The following CNTN5 variants were observed in gnomAD, a reference collection of about 807,000 sequenced individuals.
The protein encoded by CNTN5 is contactin 5.
CNTN5 carries 77 observed loss-of-function variants against 129.1 expected under a neutral mutation model. The ratio of observed to expected loss-of-function variants is 0.60; its 90% confidence interval spans 0.50 to 0.72. The LOEUF is 0.72. Ranked by LOEUF, CNTN5 falls within the 30% of genes least tolerant of loss-of-function variation. CNTN5 has a pLI of 0.00. For missense variants in CNTN5, 1,478 were observed against 1,328.8 expected (o/e 1.11, Z -1.75); for synonymous variants, 509 against 465.6 (o/e 1.09, Z -1.20).
intron 6 of CNTN5, among the ~76,000 whole-genome samples, chr11:99,894,418 G>GT (rs1161416490): frequency 2.1e-4 from 29 of 140,262 alleles, no homozygotes; most frequent in Non-Finnish European, 2.5e-4. Flanking sequence ...AATTTTATAG[G>GT]TTTTTTTTTC....
chr11:99,830,762 T>C (rs1190165060), intron 4 of CNTN5, among the ~76,000 whole-genome samples: 1 of 152,184 alleles, frequency 6.6e-6, no homozygotes, highest in East Asian at 1.9e-4. Flanking sequence ...TAAAGCCATT[T>C]ATTATTTTAT....
chr11:99,815,390 T>C (rs543286784), intron 3 of CNTN5, among the ~76,000 whole-genome samples: 1 of 151,794 alleles, frequency 6.6e-6, no homozygotes, highest in African/African-American at 2.4e-5. Context: ...TCTGAGGATA[T>C]GTCATAGAAA....
intron 21 of CNTN5, chr11:100,337,609 C>A (rs1952061950): frequency 2.8e-6 from 2 of 719,988 alleles, no homozygotes; most frequent in Admixed American, 3.5e-5. Flanking sequence ...CATTTTAAAT[C>A]CACAGATGCA....
intron 1 of CNTN5, among the ~76,000 whole-genome samples, chr11:99,205,157 C>CA (rs138384956): frequency 6.6e-6 from 1 of 151,482 alleles, no homozygotes; most frequent in African/African-American, 2.4e-5. Context: ...CTGACAAACT[C>CA]AATAAGCAAA....
chr11:99,829,477 A>G (rs184342430), intron 4 of CNTN5, among the ~76,000 whole-genome samples: 153 of 152,318 alleles, frequency 1.0e-3, no homozygotes, highest in African/African-American at 3.6e-3. Context: ...CACATAGTCA[A>G]TGAATAAAAA....
intron 21 of CNTN5, among the ~76,000 whole-genome samples, chr11:100,331,492 A>T (rs1404527025): frequency 6.6e-6 from 1 of 152,162 alleles, no homozygotes. Context: ...GACCTAACAG[A>T]TATCTACAGA....
chr11:99,927,921 A>G lies in CNTN5; in HGVS notation c.673+11772A>G, dbSNP rs566371337. Among the ~76,000 whole-genome samples, 20 of 152,306 alleles carry G rather than the reference A, an allele frequency of 1.3e-4. 1 individual carries two copies. The South Asian group carries it at 3.9e-3, about 30-fold the overall frequency. ...TCTTATCTGAGACAAGGCAAGTTCC[A>G]TCCTGGTATGAGCCTCTAACATCAA... On this transcript the variant is annotated intron_variant, in intron 7 of 24. Coordinates refer to ENST00000524871, the MANE Select transcript of CNTN5 (RefSeq NM_014361.4).
At chr11:99,450,971 T>C (rs1944281190) in intron 2 of CNTN5, among the ~76,000 whole-genome samples, 1 of 152,014 alleles carries the variant, frequency 6.6e-6, no homozygotes, top group Non-Finnish European at 1.5e-5. Context: ...AGATAAGATG[T>C]GTAAAAGGAA....
At chr11:99,535,579 A>C (rs1186398668) in intron 2 of CNTN5, among the ~76,000 whole-genome samples, 2 of 152,200 alleles carry the variant, frequency 1.3e-5, no homozygotes, top group African/African-American at 4.8e-5. Context: ...CCTAGGCATG[A>C]GAATGTCTTA....
intron 1 of CNTN5, among the ~76,000 whole-genome samples, chr11:99,286,800 T>A (rs780016180): frequency 3.9e-5 from 6 of 152,128 alleles, no homozygotes; most frequent in Non-Finnish European, 7.4e-5. Flanking sequence ...AAAGAAACTT[T>A]ATAATGTAAG....
intron 1 of CNTN5, among the ~76,000 whole-genome samples, chr11:99,261,936 G>A (rs866032071): frequency 2.6e-5 from 4 of 151,784 alleles, no homozygotes; most frequent in Non-Finnish European, 5.9e-5. Flanking sequence ...AGCACCCCTC[G>A]GGCATTCCAT....
At chr11:99,031,293 A>C (rs1331536349) in intron 1 of CNTN5, among the ~76,000 whole-genome samples, 2 of 152,156 alleles carry the variant, frequency 1.3e-5, no homozygotes, top group Non-Finnish European at 2.9e-5. Flanking sequence ...TAAAATAAAA[A>C]CACATTTTAT....
chr11:100,147,585 T>A (rs1398292275), intron 13 of CNTN5, among the ~76,000 whole-genome samples: 1 of 152,112 alleles, frequency 6.6e-6, no homozygotes, highest in Non-Finnish European at 1.5e-5. Context: ...TTTTCTCCAA[T>A]TCAACTCTGC....
At chr11:100,002,699 A>G (rs1939949313) in intron 9 of CNTN5, among the ~76,000 whole-genome samples, 1 of 152,152 alleles carries the variant, frequency 6.6e-6, no homozygotes, top group African/African-American at 2.4e-5. Flanking sequence ...GCCATATTTA[A>G]TGATTATATT....
chr11:99,972,409 C>G (rs1951288751), intron 8 of CNTN5, among the ~76,000 whole-genome samples: 1 of 152,180 alleles, frequency 6.6e-6, no homozygotes, highest in Non-Finnish European at 1.5e-5. Flanking sequence ...GCAAGAAGCA[C>G]TTTGTTTGGA....
rs1945773725 is a variant in CNTN5 at position 99,485,426 on chromosome 11, A to G, written c.-70-70719A>G. Among the ~76,000 whole-genome samples, 3 of 152,072 alleles carry G rather than the reference A, an allele frequency of 2.0e-5. No homozygotes were observed. The South Asian group carries it at 6.2e-4, about 31-fold the overall frequency. On this transcript the variant is annotated intron_variant, in intron 2 of 24. Coordinates refer to ENST00000524871, the MANE Select transcript of CNTN5 (RefSeq NM_014361.4). ...CTAAAAGTGAACTGTAATGTAAATA[A>G]TGATCTTTGGACATAATGATTTGTC...
chr11:99,103,234 A>C (rs1866825714), intron 1 of CNTN5, among the ~76,000 whole-genome samples: 1 of 152,214 alleles, frequency 6.6e-6, no homozygotes, highest in African/African-American at 2.4e-5. Flanking sequence ...GGGTGGGGAC[A>C]CAGCCAAACC....
intron 1 of CNTN5, among the ~76,000 whole-genome samples, chr11:99,314,168 G>A (rs1301511343): frequency 4.0e-5 from 6 of 151,892 alleles, no homozygotes; most frequent in Admixed American, 2.6e-4. Context: ...TAGCTTCTGG[G>A]TGGCATAACA....
chr11:100,211,903 A>G (rs765606557), intron 15 of CNTN5, among the ~76,000 whole-genome samples: 7 of 152,146 alleles, frequency 4.6e-5, no homozygotes, highest in African/African-American at 1.7e-4. Flanking sequence ...GTTTGTAACC[A>G]TGTTTTCATA....
Sources: allele counts gnomAD v4.1 joint callset (sites outside exome capture counted in the v4.1 genomes callset), GRCh38; gene constraint gnomAD v4.1.1; transcripts MANE v1.5; gene names NCBI Gene and HGNC (gene_info 2026-07-23, HGNC 2026-07-21).